OSBP: variants seen among roughly 807,000 people sequenced by gnomAD.
OSBP encodes oxysterol binding protein, also known as oxysterol-binding protein 1.
Under a neutral mutation model 96.6 loss-of-function variants are expected in OSBP, and 32 were observed. The observed-to-expected ratio is 0.33, with a 90% CI of 0.25 to 0.45. The LOEUF (loss-of-function observed/expected upper bound fraction) is 0.45, where lower values mean the gene tolerates loss of function less well. Ranked by LOEUF, OSBP falls within the 20% of genes least tolerant of loss-of-function variation. The pLI is 1.00. For missense variants in OSBP, 653 were observed against 1,029.7 expected (o/e 0.63, Z 5.01); for synonymous variants, 369 against 389.6 (o/e 0.95, Z 0.62).
intron 7 of OSBP, among the ~76,000 whole-genome samples, chr11:59,599,228 T>A (rs999380035): frequency 6.6e-6 from 1 of 152,234 alleles, no homozygotes; most frequent in African/African-American, 2.4e-5. Flanking sequence ...TGTTATAGGA[T>A]GAAAGCAGCT....
intron 9 of OSBP, among the ~76,000 whole-genome samples, chr11:59,588,798 T>A (rs3019740): frequency 0.15 from 22,444 of 151,402 alleles, 2,792 homozygotes; most frequent in African/African-American, 0.33. Context: ...TTGAAGTGAG[T>A]AGTTCAAGAC....
At chr11:59,587,328 AAG>A (rs1860511956) in intron 9 of OSBP, among the ~76,000 whole-genome samples, 1 of 151,876 alleles carries the variant, frequency 6.6e-6, no homozygotes, top group African/African-American at 2.4e-5. Flanking sequence ...TGGTGAAACT[AAG>A]TCTCTACTAA....
rs2134709628 is a variant in OSBP at position 59,610,373 on chromosome 11, T to C, written c.571+8A>G. 2 of 1,612,220 alleles carry C rather than the reference T, an allele frequency of 1.2e-6. No individual in the cohort carries two copies. The highest frequency in any genetic ancestry group is 8.5e-7 in the Non-Finnish European group (1 of 1,179,634). On this transcript the variant is annotated splice_region_variant and intron_variant, in intron 2 of 13. Transcript: ENST00000263847. ...AAGTTCCCCAGGCAGGTGTTCTTTG[T>C]TCCTGACCTGACTCTGCCAGCATCT...
chr11:59,582,675 C>A (rs538706433), intron 9 of OSBP, among the ~76,000 whole-genome samples: 15 of 152,280 alleles, frequency 9.9e-5, no homozygotes, highest in African/African-American at 3.4e-4. Flanking sequence ...CCTAGGGCCT[C>A]CAACTTGTTG....
chr11:59,594,690 T>C (rs983031191), intron 7 of OSBP, among the ~76,000 whole-genome samples: 1 of 152,268 alleles, frequency 6.6e-6, no homozygotes, highest in Non-Finnish European at 1.5e-5. Flanking sequence ...AGTACAGCTA[T>C]ATCCTGACTA....
chr11:59,578,187 C>T lies in OSBP; in HGVS notation c.2022G>A (p.Glu674=), dbSNP rs1860381471. The part of the protein sequence containing the change: ...GDARQRGHEA[E]ESRVMLWKRN... Reference sequence around the variant, plus strand: ...TTTTCCACAGCATGACCCTGCTTTCCTCTGCTTCATGGCCTCTCTGTCGAG... The same window carrying T: ...TTTTCCACAGCATGACCCTGCTTTCTTCTGCTTCATGGCCTCTCTGTCGAG... The change falls in exon 12 of 14, where the codon GAG becomes GAA. Residue 674 remains glutamate, a synonymous_variant. Coordinates refer to ENST00000263847, the MANE Select transcript of OSBP (RefSeq NM_002556.3). 1 of 1,614,050 alleles carries T rather than the reference C, an allele frequency of 6.2e-7. No individual in the cohort carries two copies. Among genetic ancestry groups the T allele is most frequent in the African/African-American group, 1.3e-5 (1 of 74,916 alleles).
At chr11:59,597,780 A>G (rs1860676621) in intron 7 of OSBP, among the ~76,000 whole-genome samples, 1 of 152,154 alleles carries the variant, frequency 6.6e-6, no homozygotes, top group African/African-American at 2.4e-5. Flanking sequence ...ATCTCGACTC[A>G]CTACAACCTC....
intron 11 of OSBP, 71 bp from the exon 12 acceptor site, chr11:59,578,401 A>T: frequency 1.4e-6 from 2 of 1,438,748 alleles, no homozygotes; most frequent in Non-Finnish European, 1.9e-6. Flanking sequence ...CTATACTGGA[A>T]GTCCTAGGAT....
In OSBP at chr11:59,583,659, T is replaced by TTTCC. The variant is rs1554979383; in HGVS notation, c.1679-2106_1679-2105insGGAA. Among the ~76,000 whole-genome samples the TTTCC allele has an allele frequency of 6.3e-4, 87 of 137,766 alleles. 7 individuals carry two copies. Among genetic ancestry groups the TTTCC allele is most frequent in the African/African-American group, 2.5e-3 (83 of 33,344 alleles). 90.4% of individuals were successfully genotyped at this position (137,766 alleles called of 152,430 possible). A position where few individuals can be genotyped will look rare whatever the true frequency, so the allele number is the denominator to read the frequency against. ...GTTTTTTTTTTTTTTTTTTTTTTTTTTCGAGATGGAGTCTTGCTCTGTCAC... is the reference window on the plus strand; with the variant it reads ...GTTTTTTTTTTTTTTTTTTTTTTTTTTTCCTCGAGATGGAGTCTTGCTCTGTCAC... On this transcript the variant is annotated intron_variant, in intron 9 of 13. Coordinates refer to ENST00000263847, the MANE Select transcript of OSBP (RefSeq NM_002556.3).
chr11:59,576,599 C>G lies in OSBP; in HGVS notation c.2402G>C (p.Ser801Thr), dbSNP rs759725539. ...YWECKEKQDW[S>T]SCPDIF ...GTTTCAGAAAATGTCCGGGCATGAGCTCCAGTCCTGTTTTTCTTTACACTC... is the reference window on the plus strand; with the variant it reads ...GTTTCAGAAAATGTCCGGGCATGAGGTCCAGTCCTGTTTTTCTTTACACTC... The change falls in exon 14 of 14, where the codon AGC (serine) becomes ACC (threonine). Residue 801 changes from serine to threonine, a missense_variant. Transcript: ENST00000263847. 4 of 1,613,890 alleles carry G rather than the reference C, an allele frequency of 2.5e-6. No homozygotes were observed. The highest frequency in any genetic ancestry group is 1.7e-5 in the Admixed American group (1 of 59,930).
At chr11:59,587,475 C>A (rs1340203176) in intron 9 of OSBP, among the ~76,000 whole-genome samples, 4 of 149,960 alleles carry the variant, frequency 2.7e-5, no homozygotes, top group Non-Finnish European at 5.9e-5. Flanking sequence ...GCACTCCAGA[C>A]TGGATGACAG....
At chr11:59,586,878 T>C (rs1462954823) in intron 9 of OSBP, among the ~76,000 whole-genome samples, 1 of 152,106 alleles carries the variant, frequency 6.6e-6, no homozygotes, top group African/African-American at 2.4e-5. Context: ...TAACTCAAAA[T>C]AGATGAAAGA....
chr11:59,592,575 T>A (rs1860598626), intron 9 of OSBP, among the ~76,000 whole-genome samples: 1 of 152,188 alleles, frequency 6.6e-6, no homozygotes, highest in African/African-American at 2.4e-5. Context: ...TGTGCTTTGA[T>A]CTCTTTTTGT....
intron 8 of OSBP, 126 bp from the exon 9 acceptor site, chr11:59,593,850 A>T (rs1023643740): frequency 3.0e-5 from 44 of 1,444,810 alleles, no homozygotes; most frequent in Non-Finnish European, 3.9e-5. Context: ...GGTGAATCCC[A>T]GAACCTCCAG....
chr11:59,597,271 C>T (rs1438878481), intron 7 of OSBP, among the ~76,000 whole-genome samples: 2 of 152,098 alleles, frequency 1.3e-5, no homozygotes, highest in African/African-American at 4.8e-5. Flanking sequence ...TCTCGAACTC[C>T]TGACCTCAAG....
intron 9 of OSBP, among the ~76,000 whole-genome samples, chr11:59,583,963 T>G (rs1860460515): frequency 6.8e-6 from 1 of 146,890 alleles, no homozygotes; most frequent in Admixed American, 6.7e-5. Flanking sequence ...TTTTTTTTTT[T>G]GAGACAGGAT....
At chr11:59,597,480 A>G (rs1207028943) in intron 7 of OSBP, among the ~76,000 whole-genome samples, 1 of 152,160 alleles carries the variant, frequency 6.6e-6, no homozygotes, top group Non-Finnish European at 1.5e-5. Flanking sequence ...CAAGCCCCCA[A>G]TAAACTAATT....
At chr11:59,585,194 C>T (rs540116766) in intron 9 of OSBP, among the ~76,000 whole-genome samples, 2,109 of 151,212 alleles carry the variant, frequency 0.014, 33 homozygotes, top group Non-Finnish European at 0.016. Flanking sequence ...AAGTGAGGAG[C>T]GCCTCTTCCC....
chr11:59,580,596 C>T (rs1860408896), intron 10 of OSBP, among the ~76,000 whole-genome samples: 1 of 152,200 alleles, frequency 6.6e-6, no homozygotes, highest in Non-Finnish European at 1.5e-5. Context: ...AACTCTTCTG[C>T]TTAAATCAAA....
Sources: allele counts gnomAD v4.1 joint callset (sites outside exome capture counted in the v4.1 genomes callset), GRCh38; gene constraint gnomAD v4.1.1; transcripts MANE v1.5; gene names NCBI Gene and HGNC (gene_info 2026-07-23, HGNC 2026-07-21).